Variants in CLIP2 observed in about 807,000 individuals in gnomAD.
CLIP2 encodes CAP-Gly domain containing linker protein 2.
A neutral mutation model predicts 111.7 loss-of-function variants in CLIP2; 41 were observed. The observed-to-expected ratio is 0.37, with a 90% CI of 0.29 to 0.48. The LOEUF (loss-of-function observed/expected upper bound fraction) is 0.48. CLIP2 is among the 20% of genes least tolerant of loss of function. CLIP2 has a pLI of 0.99. For synonymous variants in CLIP2, 660 were observed against 644.2 expected (o/e 1.02, Z -0.37); for missense variants, 1,160 against 1,422.1 (o/e 0.82, Z 2.96).
intron 8 of CLIP2, among the ~76,000 whole-genome samples, chr7:74,369,193 A>C (rs1790538189): frequency 6.6e-6 from 1 of 152,122 alleles, no homozygotes. Flanking sequence ...TCTACTAAAA[A>C]TACAAAAATT....
intron 2 of CLIP2, among the ~76,000 whole-genome samples, chr7:74,330,248 CTTTT>C (rs10635770): frequency 1.4e-4 from 19 of 136,452 alleles, no homozygotes; most frequent in East Asian, 2.1e-4. Flanking sequence ...TGTTTCTTTT[CTTTT>C]TTTTTTTTTT....
At chr7:74,390,581 A>G (rs1384372544) in intron 13 of CLIP2, among the ~76,000 whole-genome samples, 1 of 151,988 alleles carries the variant, frequency 6.6e-6, no homozygotes, top group East Asian at 1.9e-4. Flanking sequence ...AGGTGGGAGG[A>G]TCACCTTAGG....
At chr7:74,381,705 ATG>A (rs1215304598) in intron 11 of CLIP2, 1 of 447,356 alleles carries the variant, frequency 2.2e-6, no homozygotes, top group Admixed American at 2.4e-5. Context: ...CCATTTAACA[ATG>A]TATCTTGGAG....
intron 2 of CLIP2, among the ~76,000 whole-genome samples, chr7:74,337,847 C>T (rs972215010): frequency 1.3e-5 from 2 of 152,018 alleles, no homozygotes; most frequent in Non-Finnish European, 2.9e-5. Context: ...CCGCCTGCCT[C>T]GGCCTCCCAA....
chr7:74,373,946 A>C (rs1790708110), intron 9 of CLIP2, among the ~76,000 whole-genome samples: 1 of 151,946 alleles, frequency 6.6e-6, no homozygotes, highest in Non-Finnish European at 1.5e-5. Flanking sequence ...GGAGCCATGG[A>C]ACAGCTCTGC....
At chr7:74,354,251 G>A (rs781815176) in intron 4 of CLIP2, among the ~76,000 whole-genome samples, 5 of 152,114 alleles carry the variant, frequency 3.3e-5, no homozygotes, top group Non-Finnish European at 4.4e-5. Flanking sequence ...ACAGGCAAGC[G>A]CCAAGAGAAT....
chr7:74,402,592 T>C (rs1554317914), intron 16 of CLIP2, among the ~76,000 whole-genome samples: 1 of 152,068 alleles, frequency 6.6e-6, no homozygotes, highest in Non-Finnish European at 1.5e-5. Context: ...CTCAGGAGGC[T>C]AAGGCAAGAG....
chr7:74,327,102 A>C (rs905547682), intron 2 of CLIP2, among the ~76,000 whole-genome samples: 1 of 151,632 alleles, frequency 6.6e-6, no homozygotes, highest in African/African-American at 2.4e-5. Flanking sequence ...GCAGTTCTTC[A>C]AAGTTTGTTT....
At position 74,376,018 on chromosome 7, in the gene CLIP2, C is replaced by A. The variant is rs782614967; in HGVS notation, c.1617C>A (p.Ala539=). The part of the protein sequence containing the change: ...SGPPPPDHPD[A]AEILRLRERL... ...CCCCACCTCCGGACCACCCAGACGC[C>A]GCCGAGATCCTGCGGCTACGGGAGC... Residue 539 remains alanine, a synonymous_variant, in exon 10 of 17, where the codon GCC becomes GCA. Transcript: ENST00000223398. This position sits in a 1 kb window ranked among gnomAD's most constrained non-coding sequence, Gnocchi z 7.1. 4 of 1,612,682 alleles carry A rather than the reference C, an allele frequency of 2.5e-6. No individual in the cohort carries two copies. In the African/African-American group the frequency reaches 4.0e-5, roughly 16 times the overall value.
chr7:74,349,470 G>GTGTATATATATA (rs1181485819), intron 3 of CLIP2, among the ~76,000 whole-genome samples: 2 of 33,782 alleles, frequency 5.9e-5, no homozygotes, highest in Non-Finnish European at 1.1e-4. Context: ...GTGTGTGTGT[G>GTGTATATATATA]TATATATATA....
chr7:74,300,675 C>T (rs1788312314), intron 1 of CLIP2, among the ~76,000 whole-genome samples: 1 of 152,032 alleles, frequency 6.6e-6, no homozygotes, highest in Non-Finnish European at 1.5e-5. Context: ...CCAGGCTGGT[C>T]TTGATCTCCT....
At position 74,375,890 on chromosome 7, in the gene CLIP2, A is replaced by G. The variant is rs781851974; in HGVS notation, c.1489A>G (p.Thr497Ala). The G allele has an allele frequency of 6.5e-7, 1 of 1,544,740 alleles. No homozygotes were observed. Among genetic ancestry groups the G allele is most frequent in the African/African-American group, 1.4e-5 (1 of 73,296 alleles). Reference protein sequence around the residue: ...LLRELADNRLTTVAEKSRVLQ... With the variant: ...LLRELADNRLATVAEKSRVLQ... ...CTGTCTCCCTCTCTCCCCACAGCTG[A>G]CCACAGTGGCCGAGAAGTCGCGCGT... Residue 497 changes from threonine (T) to alanine (A), a missense_variant, in exon 10 of 17, where the codon ACC becomes GCC. Coordinates refer to ENST00000223398, the MANE Select transcript of CLIP2 (RefSeq NM_003388.5).
At position 74,399,108 on chromosome 7, in the gene CLIP2, T is replaced by G. The variant is rs531654971; in HGVS notation, c.2881-1262T>G. Among the ~76,000 whole-genome samples the G allele has an allele frequency of 1.4e-4, 4 of 29,046 alleles. No homozygotes were observed. The East Asian group carries it at 5.2e-3, about 37-fold the overall frequency. The allele number at this position is 29,046 out of a possible 152,430, so 19.1% of individuals were successfully genotyped here. ...TTTGGAGGGTCAGAGCAGGCAGGAC[T>G]GGGCAGTGCTGAAGGATGGAGTTTG... On this transcript the variant is annotated intron_variant, in intron 14 of 16. Transcript: ENST00000223398.
chr7:74,319,718 G>A (rs1295138288), intron 2 of CLIP2, among the ~76,000 whole-genome samples: 2 of 151,978 alleles, frequency 1.3e-5, no homozygotes, highest in African/African-American at 4.8e-5. Context: ...GTACTCAGGA[G>A]GGTGAGGCAG....
chr7:74,371,486 T>G (rs1186549643), intron 8 of CLIP2, among the ~76,000 whole-genome samples: 2 of 134,932 alleles, frequency 1.5e-5, no homozygotes, highest in Non-Finnish European at 3.1e-5. Flanking sequence ...GACTTCTTGT[T>G]GGCACTGGAA....
chr7:74,293,900 G>A (rs754445740), intron 1 of CLIP2, among the ~76,000 whole-genome samples: 6 of 151,912 alleles, frequency 3.9e-5, no homozygotes, highest in African/African-American at 1.2e-4. Context: ...AACCGGCAGC[G>A]TGGGACTCGG....
intron 2 of CLIP2, among the ~76,000 whole-genome samples, chr7:74,332,160 G>GC (rs1292047139): frequency 6.6e-6 from 1 of 151,448 alleles, no homozygotes; most frequent in Non-Finnish European, 1.5e-5. Flanking sequence ...TGCAACCTCC[G>GC]CCCCCCAGGT....
chr7:74,317,520 C>G lies in CLIP2; in HGVS notation c.-27C>G. ...AGAGAGGACGTGACCAGCACTCACC[C>G]TTGTCCACCTGCCCAGTGGCACCGC... On this transcript the variant is annotated 5_prime_UTR_variant, in exon 2 of 17. Coordinates refer to ENST00000223398, the MANE Select transcript of CLIP2 (RefSeq NM_003388.5). The G allele has an allele frequency of 7.2e-7, 1 of 1,397,828 alleles. No individual in the cohort carries two copies. The allele number at this position is 1,397,828 out of a possible 1,614,324, so 86.6% of individuals were successfully genotyped here. A position where few individuals can be genotyped will look rare whatever the true frequency, so the allele number is the denominator to read the frequency against.
At chr7:74,349,671 G>T (rs1224658512) in intron 3 of CLIP2, among the ~76,000 whole-genome samples, 3 of 150,780 alleles carry the variant, frequency 2.0e-5, no homozygotes, top group Non-Finnish European at 3.0e-5. Flanking sequence ...CACCCAGGCT[G>T]GAGTGCAATG....
Sources: gnomAD v4.1 joint callset for allele counts (sites outside exome capture counted in the v4.1 genomes callset) on GRCh38, gnomAD v4.1.1 for gene constraint, Gnocchi (gnomAD v3.1) non-coding constraint, MANE v1.5 for transcripts, NCBI Gene and HGNC (gene_info 2026-07-23, HGNC 2026-07-21) for gene names.